Variants in SEMA5A observed in about 807,000 individuals in gnomAD.
SEMA5A encodes semaphorin 5A.
In SEMA5A, 55 loss-of-function variants were observed where a neutral mutation model predicts 135.5. That is an observed-to-expected ratio of 0.41 (90% CI 0.33 to 0.51). The LOEUF (loss-of-function observed/expected upper bound fraction) is 0.51, where lower values mean the gene tolerates loss of function less well. SEMA5A is among the 20% of genes least tolerant of loss of function. The pLI is 0.37. For synonymous variants in SEMA5A, 580 were observed against 546.5 expected (o/e 1.06, Z -0.85); for missense variants, 1,290 against 1,419.9 (o/e 0.91, Z 1.47).
chr5:9,092,016 C>T (rs1305180417), intron 16 of SEMA5A, among the ~76,000 whole-genome samples: 1 of 152,198 alleles, frequency 6.6e-6, no homozygotes, highest in African/African-American at 2.4e-5. Context: ...TTGCTTTCAA[C>T]TATGATACTT....
intron 5 of SEMA5A, among the ~76,000 whole-genome samples, chr5:9,290,019 A>C (rs17788732): frequency 0.13 from 19,866 of 152,162 alleles, 1,349 homozygotes; most frequent in South Asian, 0.19. Context: ...TAAGGACAGA[A>C]ATCTTCTGAG....
chr5:9,346,580 A>T (rs1753879225), intron 3 of SEMA5A, among the ~76,000 whole-genome samples: 1 of 152,166 alleles, frequency 6.6e-6, no homozygotes, highest in Admixed American at 6.5e-5. Flanking sequence ...TCCTGCCAGC[A>T]TCCAAAATTG....
chr5:9,199,469 T>C (rs1220028289), intron 9 of SEMA5A, among the ~76,000 whole-genome samples: 1 of 152,154 alleles, frequency 6.6e-6, no homozygotes, highest in Non-Finnish European at 1.5e-5. Context: ...ACATATTCAC[T>C]CGCTTCTTCA....
intron 15 of SEMA5A, among the ~76,000 whole-genome samples, chr5:9,110,444 C>T (rs1740178044): frequency 6.6e-6 from 1 of 152,150 alleles, no homozygotes; most frequent in Admixed American, 6.5e-5. Context: ...TGCAACAATT[C>T]AAATGAGAGA....
intron 12 of SEMA5A, among the ~76,000 whole-genome samples, chr5:9,136,921 T>C (rs368659166): frequency 3.8e-4 from 58 of 152,332 alleles, no homozygotes; most frequent in African/African-American, 1.4e-3. Flanking sequence ...AAAATCAAGA[T>C]TCTACAATGT....
chr5:9,492,844 T>C (rs1295819801), intron 1 of SEMA5A, among the ~76,000 whole-genome samples: 1 of 151,786 alleles, frequency 6.6e-6, no homozygotes, highest in African/African-American at 2.4e-5. Flanking sequence ...AAAAGATTGG[T>C]GGTTGCCAGG....
At chr5:9,500,253 G>A (rs1381316089) in intron 1 of SEMA5A, among the ~76,000 whole-genome samples, 17 of 152,098 alleles carry the variant, frequency 1.1e-4, no homozygotes, top group East Asian at 5.8e-4. Flanking sequence ...TAAATGCAGC[G>A]CATGGCTTGA....
At chr5:9,213,420 G>A (rs140414923) in intron 8 of SEMA5A, among the ~76,000 whole-genome samples, 139 of 152,294 alleles carry the variant, frequency 9.1e-4, no homozygotes, top group African/African-American at 3.1e-3. Context: ...ACTGAACATG[G>A]TAAGAAGAGT....
chr5:9,111,945 A>C (rs1397558767), intron 15 of SEMA5A, among the ~76,000 whole-genome samples: 1 of 148,152 alleles, frequency 6.7e-6, no homozygotes, highest in Non-Finnish European at 1.5e-5. Context: ...TCTGCTGGTT[A>C]AGGGTTTTAA....
chr5:9,257,785 C>G (rs40710), intron 5 of SEMA5A, among the ~76,000 whole-genome samples: 33,792 of 151,922 alleles, frequency 0.22, 3,780 homozygotes, highest in Middle Eastern at 0.3. Context: ...TGTTTTATTA[C>G]AACTCTACCA....
chr5:9,390,676 T>A (rs1300965157), intron 2 of SEMA5A, among the ~76,000 whole-genome samples: 1 of 151,814 alleles, frequency 6.6e-6, no homozygotes, highest in Non-Finnish European at 1.5e-5. Flanking sequence ...TCACAATCTT[T>A]GATCTCAAAA....
At chr5:9,113,299 G>T (rs181813729) in intron 15 of SEMA5A, among the ~76,000 whole-genome samples, 1 of 152,304 alleles carries the variant, frequency 6.6e-6, no homozygotes, top group African/African-American at 2.4e-5. Flanking sequence ...CCACGGAATG[G>T]CAGGAAGCAG....
Position 9,204,043 on chromosome 5 carries a change from C to T in SEMA5A, c.647-1803G>A, listed in dbSNP as rs748768252. On this transcript the variant is annotated intron_variant, in intron 8 of 22. Coordinates refer to ENST00000382496, the MANE Select transcript of SEMA5A (RefSeq NM_003966.3). The surrounding 1 kb of genome is among the most constrained non-coding windows in gnomAD (Gnocchi z 6.4). ...AAACAGAATTACCTGATGAAGCAGG[C>T]CCCAAAAGCAAAGATACGGAACAAT... Among the ~76,000 whole-genome samples, 5 of 151,938 alleles carry T rather than the reference C, an allele frequency of 3.3e-5. No individual in the cohort carries two copies. Among genetic ancestry groups the T allele is most frequent in the Non-Finnish European group, 5.9e-5 (4 of 68,014 alleles).
At chr5:9,164,974 A>G (rs1743525123) in intron 11 of SEMA5A, among the ~76,000 whole-genome samples, 1 of 152,190 alleles carries the variant, frequency 6.6e-6, no homozygotes, top group Admixed American at 6.5e-5. Context: ...ACAGTGCACA[A>G]TTGTCCATAC....
At chr5:9,399,926 G>GTATCTTT (rs1756576676) in intron 2 of SEMA5A, among the ~76,000 whole-genome samples, 1 of 151,930 alleles carries the variant, frequency 6.6e-6, no homozygotes, top group Non-Finnish European at 1.5e-5. Context: ...ATAAGATACT[G>GTATCTTT]GTATACATAC....
intron 15 of SEMA5A, among the ~76,000 whole-genome samples, chr5:9,117,295 G>A (rs1022921623): frequency 6.6e-6 from 1 of 152,182 alleles, no homozygotes; most frequent in Non-Finnish European, 1.5e-5. Context: ...GATAACACAT[G>A]CTAAGTTTGT....
chr5:9,313,149 CATT>C (rs1387963233), intron 5 of SEMA5A, among the ~76,000 whole-genome samples: 1 of 152,148 alleles, frequency 6.6e-6, no homozygotes, highest in East Asian at 1.9e-4. Context: ...AAAGAAGAAT[CATT>C]ATTCAACATC....
intron 5 of SEMA5A, among the ~76,000 whole-genome samples, chr5:9,291,058 A>G (rs1249299438): frequency 3.9e-5 from 6 of 152,200 alleles, no homozygotes; most frequent in Non-Finnish European, 8.8e-5. Context: ...GCTGTGGTAT[A>G]AACATTCTAG....
At chr5:9,324,459 T>C (rs1036329089) in intron 4 of SEMA5A, among the ~76,000 whole-genome samples, 2 of 152,180 alleles carry the variant, frequency 1.3e-5, no homozygotes, top group African/African-American at 4.8e-5. Context: ...TAAAACACAG[T>C]GTGGATTCTG....
Sources: allele counts gnomAD v4.1 joint callset (sites outside exome capture counted in the v4.1 genomes callset), GRCh38; gene constraint gnomAD v4.1.1; non-coding constraint Gnocchi (gnomAD v3.1); transcripts MANE v1.5; gene names NCBI Gene and HGNC (gene_info 2026-07-23, HGNC 2026-07-21).